ADCY3: variants seen among roughly 807,000 people sequenced by gnomAD.
ADCY3 encodes the protein adenylate cyclase type 3.
Under a neutral mutation model 119.4 loss-of-function variants are expected in ADCY3, and 70 were observed. The ratio of observed to expected loss-of-function variants is 0.59; its 90% CI spans 0.48 to 0.72. ADCY3 has a LOEUF of 0.72. Ranked by LOEUF, ADCY3 falls within the 30% of genes least tolerant of loss-of-function variation. The pLI is 0.00. For missense variants in ADCY3, 1,238 were observed against 1,541.6 expected (o/e 0.80, Z 3.30); for synonymous variants, 672 against 621.4 (o/e 1.08, Z -1.21).
rs1669530089 is a variant in ADCY3, at chr2:24,831,718, C to T, written c.1999G>A (p.Gly667Arg). The T allele has an allele frequency of 6.2e-7, 1 of 1,613,808 alleles. No homozygotes were observed. Among genetic ancestry groups the T allele is most frequent in the Admixed American group, 1.7e-5 (1 of 59,992 alleles). Residue 667 changes from glycine (G) to arginine (R), a missense_variant, in exon 12 of 22, where the codon GGG becomes AGG. This residue lies in a region of ADCY3 where 499 missense variants were observed against 571.0 expected (regional missense o/e 0.87). Transcript: ENST00000679454. The part of the protein sequence containing the change: ...LMTNYVTFMV[G>R]EILLLILTIC... The stretch of plus-strand genomic sequence containing the variant: ...GTCAGGATGAGGAGCAGAATCTCCC[C>T]CACCATGAAGGTCACATAGTTTGTC...
At chr2:24,912,577 GTGTGTGTGCATGTGTGTGTGTGTGTGCA>G (rs796424631) in intron 2 of ADCY3, among the ~76,000 whole-genome samples, 779 of 44,448 alleles carry the variant, frequency 0.018, 27 homozygotes, top group African/African-American at 0.15. Flanking sequence ...GCATGTGTGT[GTGTGTGTGCATGTGTGTGTGTGTGTGCA>G]TGTGTGTGTG....
At chr2:24,913,629 G>A (rs1573070325) in intron 2 of ADCY3, among the ~76,000 whole-genome samples, 3 of 152,180 alleles carry the variant, frequency 2.0e-5, no homozygotes, top group Non-Finnish European at 2.9e-5. Context: ...AATGGGATGA[G>A]GTGCATGCAA....
At chr2:24,883,535 G>A (rs1215569083) in intron 2 of ADCY3, among the ~76,000 whole-genome samples, 3 of 152,156 alleles carry the variant, frequency 2.0e-5, no homozygotes, top group East Asian at 1.9e-4. Flanking sequence ...GATTCTGGAC[G>A]ATAAAGAAAA....
chr2:24,909,037 T>C lies in ADCY3; in HGVS notation c.675+9276A>G, dbSNP rs776048797. Among the ~76,000 whole-genome samples, 123 of 152,234 alleles carry C rather than the reference T, an allele frequency of 8.1e-4. 2 individuals carry two copies. Among genetic ancestry groups the C allele is most frequent in the Non-Finnish European group, 2.1e-4 (14 of 68,044 alleles). On this transcript the variant is annotated intron_variant, in intron 2 of 21. Coordinates refer to ENST00000679454, the MANE Select transcript of ADCY3 (RefSeq NM_004036.5). ...TGCCGATGATTCTCAAATCTGCAAC[T>C]CTAGACCTTTCTTCTCCAGATCTTG...
intron 13 of ADCY3, among the ~76,000 whole-genome samples, 155 bp from the exon 14 acceptor site, chr2:24,828,316 A>T (rs972607944): frequency 1.3e-5 from 2 of 152,220 alleles, no homozygotes; most frequent in East Asian, 3.9e-4. Context: ...GGGACTAATC[A>T]TATGAAAGTT....
At chr2:24,821,675 C>CCG (rs1198896844) in intron 19 of ADCY3, 35 bp from the exon 20 acceptor site, 1 of 1,609,490 alleles carries the variant, frequency 6.2e-7, no homozygotes, top group Non-Finnish European at 8.5e-7. Context: ...GTGTCAGGGG[C>CCG]CGCTCACTGC....
At chr2:24,886,449 C>A (rs1442211552) in intron 2 of ADCY3, among the ~76,000 whole-genome samples, 1 of 152,164 alleles carries the variant, frequency 6.6e-6, no homozygotes, top group Non-Finnish European at 1.5e-5. Flanking sequence ...AGCAAACACG[C>A]CTCACCTCCA....
rs11689042 is a variant in ADCY3, at chr2:24,834,185, G to C, written c.1967+300C>G. Among the ~76,000 whole-genome samples, 29,696 of 152,208 alleles carry C rather than the reference G, an allele frequency of 0.2. 3,392 individuals are homozygous for C. Among genetic ancestry groups the C allele is most frequent in the Middle Eastern group, 0.29 (85 of 294 alleles). On this transcript the variant is annotated intron_variant, in intron 11 of 21. Transcript: ENST00000679454. The surrounding 1 kb of genome is among the most constrained non-coding windows in gnomAD (Gnocchi z 4.2). ...CATCTTTGTCCCAAGAATCAGTGTG[G>C]GCCCATCTAGCCAAGGTCTCCAGCC... is the stretch of plus-strand genomic sequence containing the variant.
chr2:24,896,759 G>A (rs915457347), intron 2 of ADCY3, among the ~76,000 whole-genome samples: 8 of 151,786 alleles, frequency 5.3e-5, no homozygotes, highest in Non-Finnish European at 1.2e-4. Flanking sequence ...TCTCTTTCCA[G>A]CTTCTTCCTT....
intron 6 of ADCY3, among the ~76,000 whole-genome samples, chr2:24,840,898 G>T (rs1392578144): frequency 6.6e-6 from 1 of 152,250 alleles, no homozygotes; most frequent in African/African-American, 2.4e-5. Context: ...GGGTCACGGT[G>T]AGAAAACACT....
chr2:24,850,741 G>T (rs983208580), intron 3 of ADCY3, among the ~76,000 whole-genome samples: 1 of 152,148 alleles, frequency 6.6e-6, no homozygotes, highest in Non-Finnish European at 1.5e-5. Context: ...ACTGTAAGTC[G>T]CCCAAATACC....
At chr2:24,859,530 T>G (rs993500871) in intron 3 of ADCY3, among the ~76,000 whole-genome samples, 2 of 152,172 alleles carry the variant, frequency 1.3e-5, no homozygotes, top group Non-Finnish European at 2.9e-5. Context: ...CTTGTCCTAA[T>G]AGCAAAAGGT....
Position 24,823,382 on chromosome 2 carries a change from C to CA in ADCY3, c.2737-28dup. On this transcript the variant is annotated intron_variant, in intron 17 of 21. Transcript: ENST00000679454. ...TAAAAAGAGGTGCGGACAACGTGCTCAAAGCATGTCCGACTGACTGGATGA... is the reference window on the plus strand; with the variant it reads ...TAAAAAGAGGTGCGGACAACGTGCTCAAAAGCATGTCCGACTGACTGGATGA... 1.9e-6 allele frequency: 3 copies of CA among 1,605,654 alleles called. No individual in the cohort carries two copies. The East Asian group carries it at 6.7e-5, about 36-fold the overall frequency.
intron 14 of ADCY3, 45 bp downstream of exon 14, chr2:24,827,857 G>A (rs759333413): frequency 8.0e-5 from 129 of 1,606,912 alleles, no homozygotes; most frequent in Non-Finnish European, 9.9e-5. Context: ...CTTTGCGGGC[G>A]GGAGGAAGGA....
chr2:24,823,848 C>T (rs1025316359), intron 17 of ADCY3, among the ~76,000 whole-genome samples: 3 of 151,994 alleles, frequency 2.0e-5, no homozygotes, highest in East Asian at 1.9e-4. Context: ...TGCACCACCG[C>T]GTCCAGTTAA....
chr2:24,850,251 A>G (rs536017898), intron 3 of ADCY3, among the ~76,000 whole-genome samples: 1 of 152,004 alleles, frequency 6.6e-6, no homozygotes, highest in South Asian at 2.1e-4. Flanking sequence ...AGAGGTTCTA[A>G]ACCCTTTCCT....
chr2:24,851,401 T>C (rs1442154376), intron 3 of ADCY3, among the ~76,000 whole-genome samples: 2 of 152,098 alleles, frequency 1.3e-5, no homozygotes, highest in Non-Finnish European at 2.9e-5. Context: ...AAATCATCCC[T>C]CTCCTTTGCT....
chr2:24,836,422 C>T (rs1457690724), intron 9 of ADCY3, among the ~76,000 whole-genome samples: 4 of 152,238 alleles, frequency 2.6e-5, no homozygotes, highest in African/African-American at 9.6e-5. Flanking sequence ...TCCAGACGCC[C>T]TGCGGTCAGG....
At chr2:24,892,819 C>CTTTA (rs374756913) in intron 2 of ADCY3, among the ~76,000 whole-genome samples, 18 of 152,054 alleles carry the variant, frequency 1.2e-4, no homozygotes, top group South Asian at 2.1e-4. Context: ...GCCACACCAT[C>CTTTA]TTTATTTATT....
Sources: allele counts gnomAD v4.1 joint callset (sites outside exome capture counted in the v4.1 genomes callset), GRCh38; gene constraint gnomAD v4.1.1; regional missense constraint gnomAD v4.1.1; non-coding constraint Gnocchi (gnomAD v3.1); transcripts MANE v1.5; gene names NCBI Gene and HGNC (gene_info 2026-07-23, HGNC 2026-07-21).